TOP2B: variants seen among roughly 807,000 people sequenced by gnomAD.
The protein encoded by TOP2B is DNA topoisomerase 2-beta.
In TOP2B, 51 loss-of-function variants were observed where a neutral mutation model predicts 193.5. The observed-to-expected ratio is 0.26, with a 90% CI of 0.21 to 0.33. The LOEUF (loss-of-function observed/expected upper bound fraction) is 0.33, where lower values mean the gene tolerates loss of function less well. TOP2B is among the 10% of genes least tolerant of loss of function. The pLI is 1.00. For synonymous variants in TOP2B, 634 were observed against 635.7 expected, an observed-to-expected ratio of 1.00 and a Z score of 0.04; for missense variants, 1,378 against 1,909.3, an observed-to-expected ratio of 0.72 and a Z score of 5.19.
intron 8 of TOP2B, among the ~76,000 whole-genome samples, chr3:25,633,109 A>G (rs1321276114): frequency 6.6e-6 from 1 of 152,088 alleles, no homozygotes; most frequent in Admixed American, 6.6e-5. Context: ...TTTGATACTA[A>G]CTACCTGGAG....
At chr3:25,643,805 A>G in intron 2 of TOP2B, 21 bp from the exon 3 acceptor site, 2 of 1,581,378 alleles carry the variant, frequency 1.3e-6, no homozygotes, top group Non-Finnish European at 1.7e-6. Context: ...AAATTCAAAA[A>G]AAATTTTACT....
At chr3:25,634,126 T>TGAGA in intron 7 of TOP2B, 112 bp from the exon 8 acceptor site, 3 of 784,192 alleles carry the variant, frequency 3.8e-6, no homozygotes, top group Non-Finnish European at 5.9e-6. Context: ...CAGTTCTAAG[T>TGAGA]GCACCGATCC....
Position 25,598,493 on chromosome 3 carries a change from A to G in TOP2B, c.4711-16T>C. The G allele has an allele frequency of 6.4e-7, 1 of 1,557,012 alleles. No homozygotes were observed. The highest frequency in any genetic ancestry group is 8.7e-7 in the Non-Finnish European group (1 of 1,152,464). On this transcript the variant is annotated splice_polypyrimidine_tract_variant and intron_variant, in intron 35 of 35. Transcript: ENST00000264331. Reference sequence around the variant, plus strand: ...TCTTCGGTTTCTAGATTTTTTTTCAATAGATTTAAAAGTTATGAAAGGAAG... The same window carrying G: ...TCTTCGGTTTCTAGATTTTTTTTCAGTAGATTTAAAAGTTATGAAAGGAAG...
rs1388638752 is a variant in TOP2B, at chr3:25,664,655, G to A, written c.-358C>T. ...AAGCCCGGGCGTGCGAGCCGCGAGG[G>A]CGGCCGGGGAGCCCGAGGCGCTCGG... On this transcript the variant is annotated 5_prime_UTR_variant, in exon 1 of 36. Transcript: ENST00000264331. 1.0e-5 allele frequency: 10 copies of A among 984,520 alleles called. No individual in the cohort carries two copies. Among genetic ancestry groups the A allele is most frequent in the Non-Finnish European group, 8.4e-6 (7 of 829,700 alleles). The allele number at this position is 984,520 out of a possible 1,614,324, so 61.0% of individuals were successfully genotyped here.
At chr3:25,622,293 A>G (rs1485621391) in intron 21 of TOP2B, among the ~76,000 whole-genome samples, 1 of 152,236 alleles carries the variant, frequency 6.6e-6, no homozygotes, top group Non-Finnish European at 1.5e-5. Flanking sequence ...ATCATTAAAA[A>G]TTTGATGCTT....
chr3:25,607,021 G>A, intron 31 of TOP2B, 150 bp downstream of exon 31: 2 of 1,164,262 alleles, frequency 1.7e-6, no homozygotes. Context: ...CAACTGTGAT[G>A]GGAACAGCTG....
intron 25 of TOP2B, chr3:25,615,795 A>G (rs1367887783): frequency 5.3e-6 from 2 of 378,040 alleles, no homozygotes; most frequent in South Asian, 8.3e-5. Flanking sequence ...AGATCTTCAG[A>G]AGGAATGGTA....
intron 27 of TOP2B, among the ~76,000 whole-genome samples, chr3:25,614,830 T>C (rs998758531): frequency 6.6e-6 from 1 of 152,056 alleles, no homozygotes. Context: ...TTGAAATGTC[T>C]GTTATAAATG....
Position 25,601,192 on chromosome 3 carries a change from T to C in TOP2B, c.4523A>G (p.Lys1508Arg), listed in dbSNP as rs370692332. Residue 1508 changes from lysine to arginine, a missense_variant, in exon 34 of 36, where the codon AAG (lysine) becomes AGG (arginine). Transcript: ENST00000264331. ...TACTTTCTTCTGTTTTGGGGCTCTC[T>C]TGGGCTTAGGGACTGTATCTGAAGA... ...KPSSDTVPKP[K>R]RAPKQKKVVE... 2 of 1,613,620 alleles carry C rather than the reference T, an allele frequency of 1.2e-6. No homozygotes were observed. Among genetic ancestry groups the C allele is most frequent in the African/African-American group, 2.7e-5 (2 of 74,940 alleles).
In TOP2B at chr3:25,620,710, G is replaced by A; in HGVS notation, c.2834C>T (p.Thr945Ile). Residue 945 changes from threonine (T) to isoleucine (I), a missense_variant, in exon 22 of 36, where the codon ACA becomes ATA. Physicochemically the swap from Thr to Ile is moderately conservative, Grantham distance 89. Coordinates refer to ENST00000264331, the MANE Select transcript of TOP2B (RefSeq NM_001330700.2). Reference protein sequence around the residue: ...FVVDRNTVEITELPVRTWTQV... With the variant: ...FVVDRNTVEIIELPVRTWTQV... ...TGTCCAAGTTCTAACTGGAAGCTCT[G>A]TAATTTCTACTGTGTTTCTGTCCAC... is the stretch of plus-strand genomic sequence containing the variant. 6.2e-7 allele frequency: 1 copy of A among 1,612,762 alleles called. No homozygotes were observed. Among genetic ancestry groups the A allele is most frequent in the Non-Finnish European group, 8.5e-7 (1 of 1,179,310 alleles).
chr3:25,619,865 G>T lies in TOP2B; in HGVS notation c.3060C>A (p.Ser1020=), dbSNP rs760048354. 1.3e-6 allele frequency: 2 copies of T among 1,590,238 alleles called. No homozygotes were observed. The highest frequency in any genetic ancestry group is 1.1e-5 in the South Asian group (1 of 90,504). The change falls in exon 23 of 36, where the codon TCC becomes TCA. Residue 1020 remains serine, a synonymous_variant. Coordinates refer to ENST00000264331, the MANE Select transcript of TOP2B (RefSeq NM_001330700.2). The stretch of plus-strand genomic sequence containing the variant: ...AACAGTAAATCTAATAAATTACCAT[G>T]GAATTACAAGTAAGAGTAGTTTGAA... ...FKLQTTLTCN[S]MVLFDHMGCL... is the part of the protein sequence containing the mutation.
Position 25,626,608 on chromosome 3 carries a change from G to T in TOP2B, c.2176C>A (p.Leu726Ile). The change falls in exon 18 of 36, where the codon CTC becomes ATC. Residue 726 changes from leucine (L) to isoleucine (I), a missense_variant. By Grantham distance (5) the Leu-to-Ile change is conservative. Transcript: ENST00000264331. ...CTTTCATTGTCTGAGTTTGAGAAGA[G>T]AATCAATTCCTTGTTGATGAAATCA... Reference protein sequence around the residue: ...YNDFINKELILFSNSDNERSI... With the variant: ...YNDFINKELIIFSNSDNERSI... 1 of 1,538,102 alleles carries T rather than the reference G, an allele frequency of 6.5e-7. No homozygotes were observed. Among genetic ancestry groups the T allele is most frequent in the East Asian group, 2.4e-5 (1 of 42,112 alleles).
chr3:25,618,301 A>C, intron 25 of TOP2B, 117 bp downstream of exon 25: 1 of 692,644 alleles, frequency 1.4e-6, no homozygotes, highest in East Asian at 2.7e-5. Context: ...TAGTCTCTAA[A>C]TAGACAACTC....
chr3:25,633,326 T>C (rs374133256), intron 8 of TOP2B, among the ~76,000 whole-genome samples: 2 of 152,076 alleles, frequency 1.3e-5, no homozygotes, highest in African/African-American at 4.8e-5. Context: ...CCAGCAATAA[T>C]AGCCAAATGG....
At chr3:25,639,196 T>C (rs76161818) in intron 4 of TOP2B, among the ~76,000 whole-genome samples, 3,584 of 152,328 alleles carry the variant, frequency 0.024, 130 homozygotes, top group African/African-American at 0.08. Flanking sequence ...ATATATAATT[T>C]AGCATGAGTA....
chr3:25,628,397 G>T (rs1346933818), intron 15 of TOP2B, among the ~76,000 whole-genome samples: 1 of 151,632 alleles, frequency 6.6e-6, no homozygotes, highest in Admixed American at 6.6e-5. Flanking sequence ...GATCATTTGA[G>T]CCCGGAAAGT....
intron 8 of TOP2B, 45 bp downstream of exon 8, chr3:25,633,796 T>C (rs778878184): frequency 6.8e-7 from 1 of 1,474,324 alleles, no homozygotes; most frequent in Admixed American, 2.3e-5. Flanking sequence ...TTTATTGAAG[T>C]ACTGTTCTAC....
At chr3:25,628,789 C>A in intron 15 of TOP2B, 58 bp downstream of exon 15, 2 of 1,045,592 alleles carry the variant, frequency 1.9e-6, no homozygotes, top group Non-Finnish European at 1.4e-6. Flanking sequence ...TTTTAGATTG[C>A]TTTCATAAGA....
chr3:25,633,857 C>T lies in TOP2B; in HGVS notation c.1010G>A (p.Ser337Asn), dbSNP rs563383223. 6.2e-7 allele frequency: 1 copy of T among 1,611,020 alleles called. No individual in the cohort carries two copies. Among genetic ancestry groups the T allele is most frequent in the Admixed American group, 1.7e-5 (1 of 59,634 alleles). ...KGFQQISFVN[S>N]IATTKGGRHV... ...CTTACTTACTTTTGTAGTTGCAATA[C>T]TATTTACAAAGCTGATTTGCTGGAA... is the stretch of plus-strand genomic sequence containing the variant. The change falls in exon 8 of 36, where the codon AGT becomes AAT. Residue 337 changes from serine to asparagine, a missense_variant. Transcript: ENST00000264331.
Sources: allele counts gnomAD v4.1 joint callset (sites outside exome capture counted in the v4.1 genomes callset), GRCh38; gene constraint gnomAD v4.1.1; transcripts MANE v1.5; gene names NCBI Gene and HGNC (gene_info 2026-07-23, HGNC 2026-07-21).